Variants in SCAF11 observed in about 807,000 individuals in gnomAD.
SCAF11 encodes protein SCAF11.
In SCAF11, 47 loss-of-function variants were observed where a neutral mutation model predicts 140.5. The observed-to-expected ratio is 0.33, with a 90% CI of 0.26 to 0.43. The LOEUF (loss-of-function observed/expected upper bound fraction) is 0.43, where lower values mean the gene tolerates loss of function less well. Ranked by LOEUF, SCAF11 falls within the 20% of genes least tolerant of loss-of-function variation. The probability of loss-of-function intolerance (pLI) is 1.00; values close to 1 mark genes in which losing one functional copy is unlikely to be tolerated. For missense variants in SCAF11, 1,645 were observed against 1,705.1 expected (o/e 0.96, Z 0.62); for synonymous variants, 557 against 579.4 (o/e 0.96, Z 0.55).
chr12:45,939,327 A>G (rs1351376713), intron 6 of SCAF11, among the ~76,000 whole-genome samples: 1 of 152,196 alleles, frequency 6.6e-6, no homozygotes, highest in Non-Finnish European at 1.5e-5. Context: ...ACTGTATAAC[A>G]AATGACTTCA....
intron 1 of SCAF11, among the ~76,000 whole-genome samples, chr12:45,973,015 T>TATATAGATATATAG (rs1233707750): frequency 6.9e-6 from 1 of 145,718 alleles, no homozygotes; most frequent in Non-Finnish European, 1.5e-5. Context: ...TATATATAGA[T>TATATAGATATATAG]ATATAGATAT....
intron 1 of SCAF11, among the ~76,000 whole-genome samples, chr12:45,973,216 G>C (rs1343876853): frequency 6.6e-6 from 1 of 150,820 alleles, no homozygotes; most frequent in Non-Finnish European, 1.5e-5. Flanking sequence ...AAAGAGTAAA[G>C]AGTCAGTAAA....
At chr12:45,946,843 T>C (rs1235871768) in intron 5 of SCAF11, among the ~76,000 whole-genome samples, 1 of 152,222 alleles carries the variant, frequency 6.6e-6, no homozygotes, top group East Asian at 1.9e-4. Flanking sequence ...CTAATGCAGT[T>C]ACTAACTTTG....
intron 1 of SCAF11, among the ~76,000 whole-genome samples, chr12:45,970,407 C>G (rs565918559): frequency 4.5e-4 from 68 of 152,284 alleles, no homozygotes; most frequent in South Asian, 1.9e-3. Flanking sequence ...TAAATGGCCA[C>G]GAGGAAATAT....
At position 45,919,487 on chromosome 12, in the gene SCAF11, G is replaced by T. The variant is rs1172291405; in HGVS notation, c.*2561C>A. 6.6e-6 allele frequency: 1 copy of T among 152,392 alleles called. No individual in the cohort carries two copies. The highest frequency in any genetic ancestry group is 1.5e-5 in the Non-Finnish European group (1 of 68,002). 9.4% of individuals were successfully genotyped at this position (152,392 alleles called of 1,614,324 possible). The stretch of plus-strand genomic sequence containing the variant: ...AAGTTAACGGGACCAAGGTTTCAAA[G>T]ATCAATACTGAACCTTGATAAATAA... On this transcript the variant is annotated 3_prime_UTR_variant, in exon 15 of 15. Coordinates refer to ENST00000369367, the MANE Select transcript of SCAF11 (RefSeq NM_004719.3).
chr12:45,954,161 T>G (rs1023784193), intron 3 of SCAF11, among the ~76,000 whole-genome samples: 1 of 152,242 alleles, frequency 6.6e-6, no homozygotes, highest in African/African-American at 2.4e-5. Context: ...TCATACAATC[T>G]CATTTTTTCT....
chr12:45,945,431 T>C (rs1156355806), intron 5 of SCAF11, 118 bp from the exon 6 acceptor site: 24 of 628,856 alleles, frequency 3.8e-5, no homozygotes, highest in Non-Finnish European at 3.9e-5. Context: ...TTTTGGTAAC[T>C]ATGCTGAAAT....
chr12:45,934,373 A>G, intron 7 of SCAF11, 74 bp downstream of exon 7: 1 of 1,390,442 alleles, frequency 7.2e-7, no homozygotes. Flanking sequence ...CACCTGAAGC[A>G]CTGGTTATTT....
chr12:45,945,947 T>C (rs2136561930), intron 5 of SCAF11, among the ~76,000 whole-genome samples: 1 of 152,170 alleles, frequency 6.6e-6, no homozygotes, highest in East Asian at 1.9e-4. Flanking sequence ...CCCCTCAGCC[T>C]CCCAAAGTGC....
chr12:45,973,161 G>A (rs1339354394), intron 1 of SCAF11, among the ~76,000 whole-genome samples: 3 of 149,538 alleles, frequency 2.0e-5, no homozygotes, highest in East Asian at 2.0e-4. Context: ...AAGTGAAAAC[G>A]GAAATAAAAA....
chr12:45,973,021 GAT>G (rs574709193), intron 1 of SCAF11, among the ~76,000 whole-genome samples: 2 of 143,792 alleles, frequency 1.4e-5, no homozygotes, highest in Non-Finnish European at 3.0e-5. Context: ...TAGATATATA[GAT>G]ATATAGATAT....
intron 6 of SCAF11, among the ~76,000 whole-genome samples, chr12:45,937,026 CT>C (rs1474877760): frequency 6.6e-6 from 1 of 152,046 alleles, no homozygotes; most frequent in Non-Finnish European, 1.5e-5. Context: ...ACTTCTAGAA[CT>C]TTATGAAGTA....
intron 4 of SCAF11, among the ~76,000 whole-genome samples, chr12:45,949,401 TAA>T (rs1945498915): frequency 6.6e-6 from 1 of 152,190 alleles, no homozygotes; most frequent in African/African-American, 2.4e-5. Context: ...CATGTTGAGC[TAA>T]TACATTAGAT....
intron 4 of SCAF11, 24 bp downstream of exon 4, chr12:45,951,626 A>G (rs970637774): frequency 4.2e-6 from 6 of 1,418,150 alleles, no homozygotes; most frequent in Non-Finnish European, 5.8e-6. Context: ...TATATAATTC[A>G]TGTTGCAGAA....
chr12:45,965,871 G>A (rs890668212), intron 1 of SCAF11, among the ~76,000 whole-genome samples: 1 of 152,132 alleles, frequency 6.6e-6, no homozygotes, highest in Non-Finnish European at 1.5e-5. Flanking sequence ...CAGACTTATA[G>A]TTCAAAAACT....
chr12:45,984,666 G>A (rs1228988202), intron 1 of SCAF11, among the ~76,000 whole-genome samples: 1 of 146,112 alleles, frequency 6.8e-6, no homozygotes, highest in African/African-American at 2.5e-5. Context: ...GATAGTTTCT[G>A]TTTTCTTTTG....
At chr12:45,987,077 T>C (rs1356029583) in intron 1 of SCAF11, among the ~76,000 whole-genome samples, 2 of 152,174 alleles carry the variant, frequency 1.3e-5, no homozygotes, top group South Asian at 2.1e-4. Flanking sequence ...ACAGACCCCT[T>C]AGGCTGGGTG....
intron 6 of SCAF11, among the ~76,000 whole-genome samples, chr12:45,941,491 ATAC>A (rs1267433463): frequency 6.6e-6 from 1 of 152,172 alleles, no homozygotes; most frequent in Non-Finnish European, 1.5e-5. Flanking sequence ...CTGTACATCT[ATAC>A]ATTAGGTATC....
rs79987767 is a variant in SCAF11 at position 45,937,704 on chromosome 12, T to C, written c.464-3199A>G. On this transcript the variant is annotated intron_variant, in intron 6 of 14. Transcript: ENST00000369367. Reference sequence around the variant, plus strand: ...CCTTATTTCCTACTTTGGAAAATTATAATAATCAAGACTGCCAGTGCTTTG... The same window carrying C: ...CCTTATTTCCTACTTTGGAAAATTACAATAATCAAGACTGCCAGTGCTTTG... 0.018 allele frequency among the ~76,000 whole-genome samples: 2,785 copies of C among 152,322 alleles called. 145 individuals are homozygous for C. In the East Asian group the frequency reaches 0.22, roughly 12 times the overall value.
Sources: allele counts gnomAD v4.1 joint callset (sites outside exome capture counted in the v4.1 genomes callset), GRCh38; gene constraint gnomAD v4.1.1; transcripts MANE v1.5; gene names NCBI Gene and HGNC (gene_info 2026-07-23, HGNC 2026-07-21).